The following ARHGAP5 variants were observed in gnomAD, a reference collection of about 807,000 sequenced individuals.
ARHGAP5 encodes rho GTPase-activating protein 5.
A neutral mutation model predicts 116.6 loss-of-function variants in ARHGAP5; 23 were observed. That is an observed-to-expected ratio of 0.20 (90% CI 0.14 to 0.28). The LOEUF is 0.28. ARHGAP5 is among the 10% of genes least tolerant of loss of function. The pLI, the probability that ARHGAP5 is intolerant of heterozygous loss-of-function variation, is 1.00. For missense variants in ARHGAP5, 1,405 were observed against 1,774.8 expected, an observed-to-expected ratio of 0.79 and a Z score of 3.74; for synonymous variants, 574 against 602.0, an observed-to-expected ratio of 0.95 and a Z score of 0.68.
chr14:32,102,032 A>G (rs780755806), intron 2 of ARHGAP5, among the ~76,000 whole-genome samples: 1 of 152,118 alleles, frequency 6.6e-6, no homozygotes, highest in Non-Finnish European at 1.5e-5. Flanking sequence ...ATCTGATGGG[A>G]TAGGCTTACA....
At chr14:32,146,454 G>A in intron 4 of ARHGAP5, 114 bp downstream of exon 4, 1 of 724,626 alleles carries the variant, frequency 1.4e-6, no homozygotes, top group South Asian at 1.8e-5. Flanking sequence ...GGATGTTGAG[G>A]AGAGAGGGTT....
intron 3 of ARHGAP5, among the ~76,000 whole-genome samples, chr14:32,141,797 G>GT (rs929444987): frequency 9.2e-5 from 14 of 151,756 alleles, no homozygotes; most frequent in Admixed American, 5.2e-4. Flanking sequence ...GGTTTGCAGG[G>GT]TTTTTTTTCT....
At chr14:32,112,921 C>G (rs969961443) in intron 2 of ARHGAP5, among the ~76,000 whole-genome samples, 9 of 151,988 alleles carry the variant, frequency 5.9e-5, no homozygotes, top group Admixed American at 4.6e-4. Context: ...TTCCACTGGC[C>G]CAATTATTTT....
intron 1 of ARHGAP5, among the ~76,000 whole-genome samples, chr14:32,082,507 C>G (rs1011229196): frequency 8.5e-5 from 13 of 152,106 alleles, no homozygotes; most frequent in Admixed American, 8.5e-4. Flanking sequence ...AGCCAGTTAC[C>G]AAGCTCTCTT....
chr14:32,079,053 A>G (rs946449534), intron 1 of ARHGAP5, among the ~76,000 whole-genome samples: 4 of 152,226 alleles, frequency 2.6e-5, no homozygotes, highest in African/African-American at 9.6e-5. Flanking sequence ...AGCGGTAAGT[A>G]TGTGTCACCA....
Position 32,091,556 on chromosome 14 carries a change from A to C in ARHGAP5, c.887A>C (p.Lys296Thr), listed in dbSNP as rs1354540793. 3.1e-6 allele frequency: 5 copies of C among 1,611,948 alleles called. No individual in the cohort carries two copies. The highest frequency in any genetic ancestry group is 4.2e-6 in the Non-Finnish European group (5 of 1,179,290). Reference protein sequence around the residue: ...YHATWKTVSNKLKNHPDYEEY... With the variant: ...YHATWKTVSNTLKNHPDYEEY... Reference sequence around the variant, plus strand: ...GCAACTTGGAAAACTGTTAGTAATAAATTAAAAAATCATCCTGATTATGAA... The same window carrying C: ...GCAACTTGGAAAACTGTTAGTAATACATTAAAAAATCATCCTGATTATGAA... Residue 296 changes from lysine (K) to threonine (T), a missense_variant, in exon 2 of 7, where the codon AAA (lysine) becomes ACA (threonine). Physicochemically the swap from Lys to Thr is moderately conservative, Grantham distance 78. Around this residue, in one of 6 missense-constraint regions of ARHGAP5, gnomAD observed 944 missense variants for 1,095.3 expected, o/e 0.86. Transcript: ENST00000345122.
intron 3 of ARHGAP5, among the ~76,000 whole-genome samples, chr14:32,120,457 A>G (rs114079491): frequency 0.011 from 1,659 of 151,974 alleles, 26 homozygotes; most frequent in African/African-American, 0.037. Flanking sequence ...GTTTCTTAAA[A>G]TAGAAATCTA....
intron 3 of ARHGAP5, among the ~76,000 whole-genome samples, chr14:32,122,837 C>T (rs1879956124): frequency 6.6e-6 from 1 of 152,142 alleles, no homozygotes; most frequent in Non-Finnish European, 1.5e-5. Flanking sequence ...TATTTCTGGA[C>T]TCATATTCTA....
chr14:32,095,040 G>T (rs769783499), intron 2 of ARHGAP5, among the ~76,000 whole-genome samples: 1 of 152,106 alleles, frequency 6.6e-6, no homozygotes, highest in Non-Finnish European at 1.5e-5. Flanking sequence ...TTTCACAGTG[G>T]TATTTTAGCA....
intron 2 of ARHGAP5, among the ~76,000 whole-genome samples, chr14:32,109,898 T>A (rs565251150): frequency 6.6e-6 from 1 of 152,174 alleles, no homozygotes; most frequent in African/African-American, 2.4e-5. Flanking sequence ...TGCTTTTTTT[T>A]TCCCCCCACT....
rs1881941040 is a variant in ARHGAP5, at chr14:32,157,489, G to T, written c.*2541G>T. ...CACATGTTGCCATTGTTTCATTTAA[G>T]GTTCAGTGCTTATAGTTAACTACAA... On this transcript the variant is annotated 3_prime_UTR_variant, in exon 7 of 7. Transcript: ENST00000345122. 6.6e-6 allele frequency: 1 copy of T among 152,130 alleles called. No individual in the cohort carries two copies. The highest frequency in any genetic ancestry group is 6.6e-5 in the Admixed American group (1 of 15,244). 9.4% of individuals were successfully genotyped at this position (152,130 alleles called of 1,614,324 possible). A position where few individuals can be genotyped will look rare whatever the true frequency, so the allele number is the denominator to read the frequency against.
chr14:32,079,698 G>T (rs2041752909), intron 1 of ARHGAP5, among the ~76,000 whole-genome samples: 1 of 152,122 alleles, frequency 6.6e-6, no homozygotes, highest in Admixed American at 6.5e-5. Flanking sequence ...AACATTGGCA[G>T]GATGTAAGAT....
At chr14:32,139,509 A>G (rs1256833000) in intron 3 of ARHGAP5, among the ~76,000 whole-genome samples, 1 of 152,020 alleles carries the variant, frequency 6.6e-6, no homozygotes, top group East Asian at 1.9e-4. Flanking sequence ...TGTTCATAGT[A>G]TTCTCTTGTA....
At chr14:32,097,275 A>G (rs1878571278) in intron 2 of ARHGAP5, among the ~76,000 whole-genome samples, 1 of 152,208 alleles carries the variant, frequency 6.6e-6, no homozygotes, top group African/African-American at 2.4e-5. Context: ...ACAGTATGTA[A>G]AAGGAAAATC....
intron 1 of ARHGAP5, among the ~76,000 whole-genome samples, chr14:32,085,805 T>G (rs1006612613): frequency 6.6e-6 from 1 of 152,200 alleles, no homozygotes; most frequent in East Asian, 1.9e-4. Context: ...AATTTTGAAT[T>G]AACTATATTT....
Position 32,154,965 on chromosome 14 carries a change from A to G in ARHGAP5, c.*17A>G, listed in dbSNP as rs771801487. ...ATTATATGAGTAGGAAGTGATTGCA[A>G]ACAGGCTGGATTTGGACAAAAAGCA... is the stretch of plus-strand genomic sequence containing the variant. On this transcript the variant is annotated 3_prime_UTR_variant, in exon 7 of 7. Coordinates refer to ENST00000345122, the MANE Select transcript of ARHGAP5 (RefSeq NM_001030055.2). The G allele has an allele frequency of 5.0e-6, 8 of 1,600,006 alleles. No individual in the cohort carries two copies. Among genetic ancestry groups the G allele is most frequent in the South Asian group, 2.2e-5 (2 of 90,404 alleles).
At chr14:32,147,909 T>A (rs1881453932) in intron 4 of ARHGAP5, among the ~76,000 whole-genome samples, 1 of 152,168 alleles carries the variant, frequency 6.6e-6, no homozygotes, top group Non-Finnish European at 1.5e-5. Flanking sequence ...TCCTAGCACT[T>A]TGGGAGGCCA....
intron 2 of ARHGAP5, among the ~76,000 whole-genome samples, chr14:32,109,621 T>TA (rs1367699752): frequency 8.5e-5 from 13 of 152,198 alleles, no homozygotes; most frequent in Non-Finnish European, 1.3e-4. Context: ...TGTTCACTGT[T>TA]ACATTTTTCA....
chr14:32,151,314 A>C (rs1157089634), intron 5 of ARHGAP5, among the ~76,000 whole-genome samples: 1 of 152,254 alleles, frequency 6.6e-6, no homozygotes, highest in Non-Finnish European at 1.5e-5. Flanking sequence ...CTCCAAAATA[A>C]GGAAGAGGTG....
Sources: allele counts gnomAD v4.1 joint callset (sites outside exome capture counted in the v4.1 genomes callset), GRCh38; gene constraint gnomAD v4.1.1; regional missense constraint gnomAD v4.1.1; transcripts MANE v1.5; gene names NCBI Gene and HGNC (gene_info 2026-07-23, HGNC 2026-07-21).